The following RBFOX1 variants were observed in gnomAD, a reference collection of about 807,000 sequenced individuals.
RBFOX1 encodes the protein RNA binding fox-1 homolog 1.
In RBFOX1, 8 loss-of-function variants were observed where a neutral mutation model predicts 57.7. The observed-to-expected ratio is 0.14, with a 90% confidence interval of 0.08 to 0.25. The LOEUF (loss-of-function observed/expected upper bound fraction) is 0.25. Ranked by LOEUF, RBFOX1 falls within the 10% of genes least tolerant of loss-of-function variation. RBFOX1 has a pLI of 1.00. For missense variants in RBFOX1, 611 were observed against 548.5 expected (o/e 1.11, Z -1.14); for synonymous variants, 326 against 222.4 (o/e 1.47, Z -4.15).
intron 5 of RBFOX1, among the ~76,000 whole-genome samples, chr16:7,541,573 T>G (rs2082950514): frequency 6.6e-6 from 1 of 152,234 alleles, no homozygotes; most frequent in Non-Finnish European, 1.5e-5. Flanking sequence ...TTATTCCATC[T>G]AGACTGTCCC....
intron 1 of RBFOX1, among the ~76,000 whole-genome samples, chr16:5,398,768 A>G (rs1377873983): frequency 6.6e-6 from 1 of 152,082 alleles, no homozygotes; most frequent in Non-Finnish European, 1.5e-5. Flanking sequence ...GAGGGAAGAT[A>G]TTTGGGACAG....
At chr16:7,404,606 C>G (rs1290746758) in intron 4 of RBFOX1, among the ~76,000 whole-genome samples, 1 of 152,198 alleles carries the variant, frequency 6.6e-6, no homozygotes, top group Non-Finnish European at 1.5e-5. Flanking sequence ...TGACCAGTAC[C>G]TACACCTCAG....
chr16:6,029,750 GC>G (rs1298453354), intron 1 of RBFOX1, among the ~76,000 whole-genome samples: 1 of 139,004 alleles, frequency 7.2e-6, no homozygotes. Flanking sequence ...TCCAGCCTGG[GC>G]GACAGATCGA....
intron 3 of RBFOX1, among the ~76,000 whole-genome samples, chr16:6,874,899 A>G (rs534306637): frequency 6.6e-6 from 1 of 152,176 alleles, no homozygotes; most frequent in Non-Finnish European, 1.5e-5. Context: ...GTTCCCACAA[A>G]ACTATTGAAA....
intron 2 of RBFOX1, among the ~76,000 whole-genome samples, chr16:6,360,593 G>T (rs968493389): frequency 2.0e-5 from 3 of 152,176 alleles, no homozygotes; most frequent in Admixed American, 1.3e-4. Context: ...TTATTATGGA[G>T]CTGTAACACT....
At chr16:5,835,557 C>T (rs780360663) in intron 3 of RBFOX1, among the ~76,000 whole-genome samples, 1 of 152,202 alleles carries the variant, frequency 6.6e-6, no homozygotes, top group Non-Finnish European at 1.5e-5. Flanking sequence ...GAATCAGCAT[C>T]TTCAGGGGCA....
chr16:6,809,735 A>G (rs79155250), intron 3 of RBFOX1, among the ~76,000 whole-genome samples: 3,560 of 152,282 alleles, frequency 0.023, 126 homozygotes, highest in South Asian at 0.15. Context: ...TTTCTCAGCG[A>G]CAGAGTTATT....
chr16:7,389,722 A>G (rs1050043874), intron 4 of RBFOX1, among the ~76,000 whole-genome samples: 1 of 152,184 alleles, frequency 6.6e-6, no homozygotes, highest in Non-Finnish European at 1.5e-5. Context: ...TGGTTAGGCC[A>G]TGGTATTATA....
chr16:7,542,319 T>C (rs1312726193), intron 5 of RBFOX1, among the ~76,000 whole-genome samples: 2 of 152,176 alleles, frequency 1.3e-5, no homozygotes, highest in East Asian at 3.9e-4. Context: ...TTGGAGCATG[T>C]AACTTGTGTT....
intron 1 of RBFOX1, among the ~76,000 whole-genome samples, chr16:6,196,010 C>T (rs2097177690): frequency 1.3e-5 from 2 of 152,142 alleles, no homozygotes; most frequent in Admixed American, 1.3e-4. Flanking sequence ...ACTAGGAGTA[C>T]TTGTAATATT....
At chr16:6,834,954 G>A (rs533834126) in intron 3 of RBFOX1, among the ~76,000 whole-genome samples, 42 of 149,060 alleles carry the variant, frequency 2.8e-4, no homozygotes, top group Middle Eastern at 3.4e-3. Flanking sequence ...GTGCAGTGGC[G>A]CGATCTTGGT....
At chr16:7,300,100 T>C (rs147577720) in intron 4 of RBFOX1, among the ~76,000 whole-genome samples, 1 of 152,312 alleles carries the variant, frequency 6.6e-6, no homozygotes, top group East Asian at 1.9e-4. Flanking sequence ...GCCGTCTCCC[T>C]TACCCTGGTT....
chr16:6,454,915 G>T (rs377332588), intron 2 of RBFOX1, among the ~76,000 whole-genome samples: 1 of 129,740 alleles, frequency 7.7e-6, no homozygotes. Flanking sequence ...TTGGCGTCTC[G>T]CCCTGTCACC....
intron 3 of RBFOX1, among the ~76,000 whole-genome samples, chr16:5,834,563 A>G (rs1597428787): frequency 1.3e-5 from 2 of 151,242 alleles, no homozygotes; most frequent in South Asian, 2.1e-4. Context: ...TGATAAATAT[A>G]GAAGTGCATG....
intron 2 of RBFOX1, among the ~76,000 whole-genome samples, chr16:6,530,051 C>G (rs943938562): frequency 1.6e-4 from 24 of 152,138 alleles, no homozygotes; most frequent in African/African-American, 4.6e-4. Flanking sequence ...AGCTATTTTA[C>G]AATGTGTTTA....
At chr16:6,513,337 C>A (rs1417669889) in intron 2 of RBFOX1, among the ~76,000 whole-genome samples, 1 of 152,180 alleles carries the variant, frequency 6.6e-6, no homozygotes, top group Non-Finnish European at 1.5e-5. Flanking sequence ...TCCTTGTTGT[C>A]TAACTTTGTG....
chr16:7,455,073 C>T (rs189201817), intron 4 of RBFOX1, among the ~76,000 whole-genome samples: 1 of 152,194 alleles, frequency 6.6e-6, no homozygotes, highest in Admixed American at 6.5e-5. Flanking sequence ...CTAGGCACAA[C>T]GGATTCGATA....
At chr16:7,331,403 TTCA>T (rs1487406148) in intron 4 of RBFOX1, among the ~76,000 whole-genome samples, 1 of 152,158 alleles carries the variant, frequency 6.6e-6, no homozygotes, top group African/African-American at 2.4e-5. Flanking sequence ...GTGGATTCAC[TTCA>T]TCAGAACTTC....
chr16:7,565,445 G>A lies in RBFOX1; in HGVS notation c.271-14332G>A, dbSNP rs373407116. ...TGCGATATTATTTTCTGAGCTTACA[G>A]TACAATGTATTGAATTATGCCAGCC... On this transcript the variant is annotated intron_variant, in intron 5 of 15. Coordinates refer to ENST00000550418, the MANE Select transcript of RBFOX1 (RefSeq NM_018723.4). 5.9e-5 allele frequency among the ~76,000 whole-genome samples: 9 copies of A among 152,238 alleles called. No homozygotes were observed. The East Asian group carries it at 1.7e-3, about 29-fold the overall frequency.
Sources: allele counts gnomAD v4.1 joint callset (sites outside exome capture counted in the v4.1 genomes callset), GRCh38; gene constraint gnomAD v4.1.1; transcripts MANE v1.5; gene names NCBI Gene and HGNC (gene_info 2026-07-23, HGNC 2026-07-21).